FARP1: variants seen among roughly 807,000 people sequenced by gnomAD.
The protein encoded by FARP1 is FERM, ARHGEF and pleckstrin domain-containing protein 1.
In FARP1, 52 loss-of-function variants were observed where a neutral mutation model predicts 128.8. The ratio of observed to expected loss-of-function variants is 0.40; its 90% CI spans 0.32 to 0.51. The LOEUF is 0.51. FARP1 is among the 20% of genes least tolerant of loss of function. FARP1 has a pLI of 0.45. For synonymous variants in FARP1, 580 were observed against 551.8 expected, an observed-to-expected ratio of 1.05 and a Z score of -0.72; for missense variants, 1,333 against 1,367.9, an observed-to-expected ratio of 0.97 and a Z score of 0.40.
intron 2 of FARP1, 130 bp from the exon 3 acceptor site, chr13:98,343,632 G>A (rs1032710028): frequency 1.8e-5 from 12 of 679,532 alleles, no homozygotes; most frequent in South Asian, 5.1e-5. Flanking sequence ...AGGGTGTCAC[G>A]GAGGTGGGCG....
intron 2 of FARP1, among the ~76,000 whole-genome samples, chr13:98,319,397 G>T (rs1056529174): frequency 2.0e-5 from 3 of 152,174 alleles, no homozygotes; most frequent in Non-Finnish European, 4.4e-5. Context: ...GAGGCAGGCG[G>T]ATCACAAGGT....
At chr13:98,375,530 T>C (rs1429641892) in intron 5 of FARP1, among the ~76,000 whole-genome samples, 3 of 152,214 alleles carry the variant, frequency 2.0e-5, no homozygotes, top group Non-Finnish European at 2.9e-5. Context: ...TTACCAATTT[T>C]AAATAAGGAG....
intron 2 of FARP1, among the ~76,000 whole-genome samples, chr13:98,296,170 C>CA (rs1341093016): frequency 6.6e-6 from 1 of 152,158 alleles, no homozygotes; most frequent in Non-Finnish European, 1.5e-5. Flanking sequence ...GCTACTCTAG[C>CA]AGATCTGTGT....
At chr13:98,445,978 C>G (rs1336386258) in intron 24 of FARP1, 120 bp from the exon 25 acceptor site, 19 of 661,750 alleles carry the variant, frequency 2.9e-5, no homozygotes, top group Non-Finnish European at 4.8e-5. Flanking sequence ...GGGGGTGGGG[C>G]CCACATCCTT....
chr13:98,279,487 A>G (rs1884828004), intron 2 of FARP1, among the ~76,000 whole-genome samples: 1 of 152,224 alleles, frequency 6.6e-6, no homozygotes, highest in Admixed American at 6.5e-5. Flanking sequence ...GATGATGGAA[A>G]TGTTCTGGGC....
intron 2 of FARP1, among the ~76,000 whole-genome samples, chr13:98,275,215 G>A (rs1884579352): frequency 6.6e-6 from 1 of 151,946 alleles, no homozygotes; most frequent in Admixed American, 6.6e-5. Context: ...TCGTAAACAC[G>A]AACAGATGAA....
Position 98,175,814 on chromosome 13 carries a change from C to A in FARP1, c.-24+32322C>A, listed in dbSNP as rs1877969221. 1.2e-5 allele frequency: 3 copies of A among 248,436 alleles called. No individual in the cohort carries two copies. The South Asian group carries it at 3.3e-4, about 27-fold the overall frequency. 15.4% of individuals were successfully genotyped at this position (248,436 alleles called of 1,614,324 possible). On this transcript the variant is annotated intron_variant, in intron 1 of 26. Coordinates refer to ENST00000319562, the MANE Select transcript of FARP1 (RefSeq NM_005766.4). ...TTTGTGACTAGTTTATTTCACTTAG[C>A]AGTGTCGTCTTCAAGGTTCATTCTA...
At chr13:98,373,533 G>GACAGACAGACAGACACACAC (rs1349451618) in intron 5 of FARP1, among the ~76,000 whole-genome samples, 13 of 131,070 alleles carry the variant, frequency 9.9e-5, no homozygotes, top group African/African-American at 3.8e-4. Flanking sequence ...CAGACAGACA[G>GACAGACAGACAGACACACAC]ACACACACAC....
At chr13:98,187,187 A>T (rs1371492765) in intron 1 of FARP1, among the ~76,000 whole-genome samples, 1 of 152,054 alleles carries the variant, frequency 6.6e-6, no homozygotes, top group African/African-American at 2.4e-5. Context: ...TGACCTGGAA[A>T]CTAATGTATC....
chr13:98,443,794 G>A (rs1249908258), intron 24 of FARP1, among the ~76,000 whole-genome samples: 4 of 152,276 alleles, frequency 2.6e-5, no homozygotes, highest in African/African-American at 4.8e-5. Context: ...CTGGAGTGGC[G>A]AGACGGGACA....
chr13:98,180,179 G>T (rs531198532), intron 1 of FARP1, among the ~76,000 whole-genome samples: 1 of 152,142 alleles, frequency 6.6e-6, no homozygotes, highest in Non-Finnish European at 1.5e-5. Flanking sequence ...GCAGCATGGC[G>T]TTGGTATCTG....
chr13:98,198,459 G>A (rs1158211695), intron 1 of FARP1, among the ~76,000 whole-genome samples: 4 of 152,142 alleles, frequency 2.6e-5, no homozygotes, highest in Non-Finnish European at 4.4e-5. Flanking sequence ...GAGGCCAGGC[G>A]CGGTGGCTCA....
At chr13:98,230,967 A>G (rs1594298901) in intron 2 of FARP1, among the ~76,000 whole-genome samples, 1 of 152,326 alleles carries the variant, frequency 6.6e-6, no homozygotes, top group East Asian at 1.9e-4. Flanking sequence ...GCGGCAGACA[A>G]GAGAAAGTGT....
At chr13:98,377,786 CTT>C (rs768877014) in intron 5 of FARP1, 33 bp from the exon 6 acceptor site, 7 of 1,559,300 alleles carry the variant, frequency 4.5e-6, no homozygotes, top group African/African-American at 4.1e-5. Flanking sequence ...CTCCTGCCCT[CTT>C]TGCCTGACGC....
intron 1 of FARP1, among the ~76,000 whole-genome samples, chr13:98,144,632 T>C (rs1241109305): frequency 1.3e-5 from 2 of 152,248 alleles, no homozygotes; most frequent in Non-Finnish European, 2.9e-5. Flanking sequence ...CACTGGCTTC[T>C]GTTTAATGTG....
Position 98,435,617 on chromosome 13 carries a change from G to C in FARP1, c.2185G>C (p.Gly729Arg). 1 of 1,613,926 alleles carries C rather than the reference G, an allele frequency of 6.2e-7. No individual in the cohort carries two copies. The highest frequency in any genetic ancestry group is 8.5e-7 in the Non-Finnish European group (1 of 1,179,904). The change falls in exon 19 of 27, where the codon GGT (glycine) becomes CGT (arginine). Residue 729 changes from glycine to arginine, a missense_variant. This residue lies in a region of FARP1 where 1,009 missense variants were observed against 969.8 expected (regional missense o/e 1.04). Transcript: ENST00000319562. ...CACGGAGATGGTGGCACAGCTCCAC[G>C]GTACGATGATCAAGATGGAGAATTT... ...EITEMVAQLHGTMIKMENFQK... is the reference protein window; with the variant it reads ...EITEMVAQLHRTMIKMENFQK...
intron 2 of FARP1, among the ~76,000 whole-genome samples, chr13:98,248,870 A>G (rs1819370742): frequency 6.6e-6 from 1 of 152,018 alleles, no homozygotes. Context: ...TGCTAGAAGC[A>G]CTGTCCAGGG....
At chr13:98,411,255 T>C (rs1891183504) in intron 15 of FARP1, among the ~76,000 whole-genome samples, 1 of 152,212 alleles carries the variant, frequency 6.6e-6, no homozygotes, top group South Asian at 2.1e-4. Flanking sequence ...ATTATTTTAA[T>C]CAGTCCTGCT....
At chr13:98,337,538 CGTGTGTGTGTGTGTGTGTGTGTGT>C (rs60625244) in intron 2 of FARP1, among the ~76,000 whole-genome samples, 4 of 132,006 alleles carry the variant, frequency 3.0e-5, no homozygotes, top group South Asian at 2.7e-4. Context: ...TCTGTGTAGC[CGTGTGTGTGTGTGTGTGTGTGTGT>C]GTGTGTGTGT....
Sources: gnomAD v4.1 joint callset for allele counts (sites outside exome capture counted in the v4.1 genomes callset) on GRCh38, gnomAD v4.1.1 for gene constraint, gnomAD v4.1.1 regional missense constraint, MANE v1.5 for transcripts, NCBI Gene and HGNC (gene_info 2026-07-23, HGNC 2026-07-21) for gene names.